The following HPSE2 variants were observed in gnomAD, a reference collection of about 807,000 sequenced individuals.
HPSE2 encodes the protein heparanase 2 (inactive).
In HPSE2, 38 loss-of-function variants were observed where a neutral mutation model predicts 60.5. The ratio of observed to expected loss-of-function variants is 0.63; its 90% CI spans 0.48 to 0.82. The LOEUF is 0.82. Among genes scored for constraint, HPSE2 ranks in the 40% least tolerant of loss-of-function variants. The pLI, the probability that HPSE2 is intolerant of heterozygous loss-of-function variation, is 0.00. For synonymous variants in HPSE2, 295 were observed against 293.2 expected, an observed-to-expected ratio of 1.01 and a Z score of -0.06; for missense variants, 713 against 740.4, an observed-to-expected ratio of 0.96 and a Z score of 0.43.
At chr10:98,610,091 T>C (rs1317241829) in intron 9 of HPSE2, among the ~76,000 whole-genome samples, 2 of 152,162 alleles carry the variant, frequency 1.3e-5, no homozygotes, top group Non-Finnish European at 2.9e-5. Context: ...TCCGCCCGCC[T>C]TGGCCTCCTA....
chr10:98,466,581 A>G (rs1279700249), intron 11 of HPSE2, among the ~76,000 whole-genome samples: 1 of 150,740 alleles, frequency 6.6e-6, no homozygotes, highest in East Asian at 1.9e-4. Context: ...ACTGCACTCC[A>G]GCATAGGTGA....
At chr10:98,912,262 C>A (rs1953999661) in intron 3 of HPSE2, among the ~76,000 whole-genome samples, 1 of 152,194 alleles carries the variant, frequency 6.6e-6, no homozygotes, top group South Asian at 2.1e-4. Flanking sequence ...TTGCTAACAT[C>A]TATCGCTGCT....
chr10:99,102,861 A>C (rs1844068157), intron 3 of HPSE2, among the ~76,000 whole-genome samples: 1 of 152,184 alleles, frequency 6.6e-6, no homozygotes, highest in African/African-American at 2.4e-5. Context: ...CCATCATATA[A>C]ACAGAACCAA....
At chr10:98,834,364 T>C (rs929079984) in intron 3 of HPSE2, among the ~76,000 whole-genome samples, 1 of 152,132 alleles carries the variant, frequency 6.6e-6, no homozygotes. Flanking sequence ...CTTGAAAATA[T>C]GGTAAATAAG....
At chr10:98,896,218 C>T (rs1953489300) in intron 3 of HPSE2, among the ~76,000 whole-genome samples, 1 of 151,704 alleles carries the variant, frequency 6.6e-6, no homozygotes, top group African/African-American at 2.4e-5. Flanking sequence ...TAGTATATTT[C>T]CAGGTGGCGA....
At chr10:98,720,504 T>C (rs562446084) in intron 5 of HPSE2, among the ~76,000 whole-genome samples, 5 of 152,148 alleles carry the variant, frequency 3.3e-5, no homozygotes, top group Non-Finnish European at 5.9e-5. Context: ...GAAAAAGATA[T>C]ACTAATACAT....
chr10:98,989,542 T>C (rs1956469532), intron 3 of HPSE2, among the ~76,000 whole-genome samples: 1 of 151,324 alleles, frequency 6.6e-6, no homozygotes, highest in East Asian at 1.9e-4. Context: ...ATATACCTAA[T>C]GTTAAAGGAC....
chr10:99,091,227 A>C (rs1843500401), intron 3 of HPSE2, among the ~76,000 whole-genome samples: 1 of 152,184 alleles, frequency 6.6e-6, no homozygotes, highest in Admixed American at 6.5e-5. Context: ...CAGAAGCTCT[A>C]ACATATCCCA....
At chr10:98,759,333 T>C (rs955938961) in intron 3 of HPSE2, among the ~76,000 whole-genome samples, 2 of 152,072 alleles carry the variant, frequency 1.3e-5, no homozygotes, top group South Asian at 4.1e-4. Flanking sequence ...CCTCTGAACC[T>C]AAAATAAAAG....
chr10:98,993,453 G>T (rs1164244877), intron 3 of HPSE2, among the ~76,000 whole-genome samples: 1 of 152,102 alleles, frequency 6.6e-6, no homozygotes, highest in African/African-American at 2.4e-5. Context: ...TCCCTTGACT[G>T]CCATAATAGT....
At chr10:99,049,901 A>C (rs1353675002) in intron 3 of HPSE2, among the ~76,000 whole-genome samples, 1 of 152,216 alleles carries the variant, frequency 6.6e-6, no homozygotes, top group East Asian at 1.9e-4. Flanking sequence ...TTAATAATAA[A>C]AATGAACAGT....
chr10:98,837,019 T>C (rs1951805752), intron 3 of HPSE2, among the ~76,000 whole-genome samples: 1 of 152,168 alleles, frequency 6.6e-6, no homozygotes, highest in Admixed American at 6.5e-5. Flanking sequence ...CACTCTAGCC[T>C]GGGCAACAGA....
intron 3 of HPSE2, among the ~76,000 whole-genome samples, chr10:99,043,729 A>G (rs1957794805): frequency 6.6e-6 from 1 of 152,182 alleles, no homozygotes; most frequent in African/African-American, 2.4e-5. Flanking sequence ...ATACAATCAG[A>G]AGCATTAATA....
At chr10:99,146,481 G>A (rs750486410) in intron 2 of HPSE2, among the ~76,000 whole-genome samples, 98 of 152,164 alleles carry the variant, frequency 6.4e-4, no homozygotes, top group Non-Finnish European at 1.3e-3. Context: ...TTTCCCTTTA[G>A]TCCTTTAGTC....
At position 98,869,683 on chromosome 10, in the gene HPSE2, G is replaced by A. The variant is rs1442126176; in HGVS notation, c.611-125627C>T. On this transcript the variant is annotated intron_variant, in intron 3 of 11. Coordinates refer to ENST00000370552, the MANE Select transcript of HPSE2 (RefSeq NM_021828.5). ...CCACAGACTCAGAAAGTAGTGCCCA[G>A]GGAGAACCAATGGTGGCAAATTTGG... 3.9e-5 allele frequency among the ~76,000 whole-genome samples: 6 copies of A among 152,144 alleles called. No individual in the cohort carries two copies. In the South Asian group the frequency reaches 1.0e-3, roughly 26 times the overall value.
chr10:99,047,209 C>T (rs556657289), intron 3 of HPSE2, among the ~76,000 whole-genome samples: 2 of 152,246 alleles, frequency 1.3e-5, no homozygotes, highest in East Asian at 3.9e-4. Context: ...CTGACAAAAA[C>T]AAGCAATGGG....
intron 2 of HPSE2, among the ~76,000 whole-genome samples, chr10:99,178,372 G>A (rs1019276555): frequency 1.3e-4 from 20 of 151,892 alleles, no homozygotes; most frequent in Non-Finnish European, 1.6e-4. Context: ...TAGGCCACTA[G>A]CCAGACTAAT....
At chr10:98,903,017 T>C (rs1315693953) in intron 3 of HPSE2, among the ~76,000 whole-genome samples, 1 of 151,980 alleles carries the variant, frequency 6.6e-6, no homozygotes, top group African/African-American at 2.4e-5. Context: ...AAGAGAGAAA[T>C]AATCTAAATG....
At chr10:98,627,128 G>C (rs940139986) in intron 7 of HPSE2, among the ~76,000 whole-genome samples, 6 of 152,136 alleles carry the variant, frequency 3.9e-5, no homozygotes, top group Non-Finnish European at 8.8e-5. Context: ...GTGAGGACTT[G>C]ATTCCAGAAA....
Sources: allele counts gnomAD v4.1 joint callset (sites outside exome capture counted in the v4.1 genomes callset), GRCh38; gene constraint gnomAD v4.1.1; transcripts MANE v1.5; gene names NCBI Gene and HGNC (gene_info 2026-07-23, HGNC 2026-07-21).